The following OXR1 variants were observed in gnomAD, a reference collection of about 807,000 sequenced individuals.
OXR1 encodes the protein oxidation resistance protein 1.
Under a neutral mutation model 104.6 loss-of-function variants are expected in OXR1, and 41 were observed. That is an observed-to-expected ratio of 0.39 (90% CI 0.31 to 0.51). The LOEUF (loss-of-function observed/expected upper bound fraction) is 0.51. OXR1 is among the 20% of genes least tolerant of loss of function. The pLI is 0.77. For synonymous variants in OXR1, 348 were observed against 348.4 expected (o/e 1.00, Z 0.01); for missense variants, 955 against 1,031.9 (o/e 0.93, Z 1.02).
At chr8:106,618,236 G>C (rs772519078) in intron 3 of OXR1, 9 of 1,378,098 alleles carry the variant, frequency 6.5e-6, no homozygotes, top group Non-Finnish European at 9.0e-6. Context: ...TGGAAAGTCA[G>C]ATACAGCGGA....
At chr8:106,365,207 G>A (rs1356431315) in intron 2 of OXR1, among the ~76,000 whole-genome samples, 2 of 151,968 alleles carry the variant, frequency 1.3e-5, no homozygotes, top group Admixed American at 1.3e-4. Context: ...CTGTGTGATA[G>A]GAAAAGCTTA....
intron 3 of OXR1, among the ~76,000 whole-genome samples, chr8:106,631,184 A>T (rs1381714680): frequency 6.6e-6 from 1 of 152,194 alleles, no homozygotes; most frequent in Non-Finnish European, 1.5e-5. Context: ...TGTATGTTTG[A>T]TCATTACTAA....
At chr8:106,665,487 T>C (rs1246424563) in intron 3 of OXR1, among the ~76,000 whole-genome samples, 1 of 152,200 alleles carries the variant, frequency 6.6e-6, no homozygotes, top group Non-Finnish European at 1.5e-5. Context: ...TATAACAGGA[T>C]TATTTAGGGA....
intron 3 of OXR1, among the ~76,000 whole-genome samples, chr8:106,567,166 T>G (rs1044213736): frequency 6.6e-6 from 1 of 152,132 alleles, no homozygotes; most frequent in Non-Finnish European, 1.5e-5. Flanking sequence ...TGGAATTATT[T>G]TGTTTTCAAA....
At chr8:106,590,951 A>G (rs1213208508) in intron 3 of OXR1, among the ~76,000 whole-genome samples, 1 of 152,088 alleles carries the variant, frequency 6.6e-6, no homozygotes, top group Admixed American at 6.5e-5. Flanking sequence ...AGCTTTTGAG[A>G]TAAGTACACA....
At chr8:106,680,818 T>C (rs2131220816) in intron 4 of OXR1, among the ~76,000 whole-genome samples, 1 of 152,282 alleles carries the variant, frequency 6.6e-6, no homozygotes, top group South Asian at 2.1e-4. Flanking sequence ...TTACCAATTC[T>C]TCTTCCTCCA....
intron 1 of OXR1, among the ~76,000 whole-genome samples, chr8:106,336,817 A>G (rs993682286): frequency 4.6e-5 from 7 of 152,210 alleles, no homozygotes; most frequent in Non-Finnish European, 1.0e-4. Flanking sequence ...TTCATGTCAT[A>G]AACACTGGAT....
chr8:106,574,755 T>A (rs936776069), intron 3 of OXR1, among the ~76,000 whole-genome samples: 2 of 152,248 alleles, frequency 1.3e-5, no homozygotes, highest in African/African-American at 4.8e-5. Context: ...AAGATTCTTA[T>A]ACACTTATGA....
At chr8:106,552,695 T>A (rs1563600315) in intron 3 of OXR1, among the ~76,000 whole-genome samples, 1 of 152,234 alleles carries the variant, frequency 6.6e-6, no homozygotes, top group Non-Finnish European at 1.5e-5. Context: ...CTCTTGCATT[T>A]GCAAAAGATA....
intron 2 of OXR1, among the ~76,000 whole-genome samples, chr8:106,403,734 A>G (rs1818095601): frequency 6.6e-6 from 1 of 152,220 alleles, no homozygotes; most frequent in Admixed American, 6.5e-5. Flanking sequence ...GCTGGAGTCT[A>G]GATCAATAAG....
intron 2 of OXR1, among the ~76,000 whole-genome samples, chr8:106,419,847 C>T (rs777140984): frequency 2.0e-5 from 3 of 152,030 alleles, no homozygotes; most frequent in Admixed American, 6.6e-5. Flanking sequence ...AATCAACATG[C>T]GAATTGGACT....
chr8:106,537,452 TA>T (rs1814625631), intron 3 of OXR1, among the ~76,000 whole-genome samples: 2 of 151,962 alleles, frequency 1.3e-5, no homozygotes, highest in Non-Finnish European at 2.9e-5. Flanking sequence ...TTAGGAAGAA[TA>T]AAGCATGGCT....
chr8:106,657,841 C>T (rs1351773325), intron 3 of OXR1: 1 of 1,237,752 alleles, frequency 8.1e-7, no homozygotes, highest in Non-Finnish European at 1.0e-6. Flanking sequence ...AGGGACGCCC[C>T]CTCCTCCTCC....
intron 3 of OXR1, among the ~76,000 whole-genome samples, chr8:106,565,565 T>C (rs1817005392): frequency 6.6e-6 from 1 of 152,348 alleles, no homozygotes; most frequent in East Asian, 1.9e-4. Flanking sequence ...AAGTGATTTA[T>C]AGATTCCATG....
intron 1 of OXR1, among the ~76,000 whole-genome samples, chr8:106,293,465 A>G (rs1812842555): frequency 6.6e-6 from 1 of 152,212 alleles, no homozygotes; most frequent in South Asian, 2.1e-4. Flanking sequence ...ATTGTACAGG[A>G]GTGTCGTGGT....
At chr8:106,463,515 A>G (rs985798327) in intron 2 of OXR1, among the ~76,000 whole-genome samples, 1 of 152,118 alleles carries the variant, frequency 6.6e-6, no homozygotes, top group Non-Finnish European at 1.5e-5. Context: ...TTGGAGTTCC[A>G]GAATCATTAT....
chr8:106,289,936 C>T (rs1812679452), intron 1 of OXR1, among the ~76,000 whole-genome samples: 1 of 152,144 alleles, frequency 6.6e-6, no homozygotes, highest in African/African-American at 2.4e-5. Flanking sequence ...TGGCACTTCT[C>T]CTTGCTACTG....
intron 11 of OXR1, among the ~76,000 whole-genome samples, chr8:106,731,215 T>A (rs1379291698): frequency 6.6e-6 from 1 of 152,220 alleles, no homozygotes; most frequent in Non-Finnish European, 1.5e-5. Flanking sequence ...TTAATCAGGT[T>A]GTTTGATATC....
chr8:106,657,318 T>TA (rs10709844), intron 3 of OXR1, among the ~76,000 whole-genome samples: 67 of 146,896 alleles, frequency 4.6e-4, no homozygotes, highest in Middle Eastern at 3.4e-3. Context: ...TCCTTAAACA[T>TA]AAAAAAAAAA....
Sources: allele counts gnomAD v4.1 joint callset (sites outside exome capture counted in the v4.1 genomes callset), GRCh38; gene constraint gnomAD v4.1.1; transcripts MANE v1.5; gene names NCBI Gene and HGNC (gene_info 2026-07-23, HGNC 2026-07-21).